ABHD5: variants seen among roughly 807,000 people sequenced by gnomAD.
ABHD5 encodes abhydrolase domain containing 5, lysophosphatidic acid acyltransferase.
ABHD5 carries 30 observed loss-of-function variants against 44.9 expected under a neutral mutation model. That is an observed-to-expected ratio of 0.67 (90% CI 0.50 to 0.91). The LOEUF is 0.91. Ranked by LOEUF, ABHD5 falls within the 40% of genes least tolerant of loss-of-function variation. The probability of loss-of-function intolerance (pLI) is 0.00; values close to 1 mark genes in which losing one functional copy is unlikely to be tolerated. For missense variants in ABHD5, 399 were observed against 423.4 expected (o/e 0.94, Z 0.50); for synonymous variants, 167 against 147.0 (o/e 1.14, Z -0.99).
At chr3:43,727,839 C>T (rs935374916) in intron 7 of ABHD5, among the ~76,000 whole-genome samples, 1 of 152,124 alleles carries the variant, frequency 6.6e-6, no homozygotes, top group South Asian at 2.1e-4. Flanking sequence ...GAACTCCTGA[C>T]CTCAGGTAAT....
downstream of ABHD5, among the ~76,000 whole-genome samples, chr3:43,725,867 TG>T (rs1261510621): frequency 3.3e-5 from 5 of 151,890 alleles, no homozygotes; most frequent in Non-Finnish European, 7.4e-5. Flanking sequence ...TTTGTTTTTT[TG>T]TTTTTTTGGT....
intron 3 of ABHD5, among the ~76,000 whole-genome samples, chr3:43,705,889 T>A (rs1185992259): frequency 6.6e-6 from 1 of 152,188 alleles, no homozygotes; most frequent in African/African-American, 2.4e-5. Flanking sequence ...TTAAAAAGAA[T>A]TTTTTTCTGC....
chr3:43,696,517 A>C lies in ABHD5; in HGVS notation c.48-2759A>C, dbSNP rs116728172. Among the ~76,000 whole-genome samples, 1,300 of 152,288 alleles carry C rather than the reference A, an allele frequency of 8.5e-3. 11 individuals carry two copies. Among genetic ancestry groups the C allele is most frequent in the African/African-American group, 0.028 (1,177 of 41,570 alleles). ...GGGAGGGGGCAAAGGGTCTCTTTGA[A>C]GGTGAGATTAATTTATCCCGAAGAC... On this transcript the variant is annotated intron_variant, in intron 1 of 6. Coordinates refer to ENST00000644371, the MANE Select transcript of ABHD5 (RefSeq NM_016006.6).
intron 5 of ABHD5, 24 bp downstream of exon 5, chr3:43,715,082 A>ATT (rs1553616751): frequency 9.0e-7 from 1 of 1,115,044 alleles, no homozygotes; most frequent in Non-Finnish European, 1.3e-6. Flanking sequence ...TTCTCAATTC[A>ATT]CTCTGTGTGT....
rs577884445 is a variant in ABHD5 at position 43,728,234 on chromosome 3, A to G, written c.*30-5646A>G. ...CTGAAAATTTTTACTATGCCAACAA[A>G]AGCAACATGGCAAAATTCTTGAAAA... On this transcript the variant is annotated intron_variant, in intron 7 of 7. Transcript: ENST00000454293. Among the ~76,000 whole-genome samples the G allele has an allele frequency of 3.3e-5, 5 of 152,326 alleles. No individual in the cohort carries two copies. The South Asian group carries it at 6.2e-4, about 19-fold the overall frequency.
intron 7 of ABHD5, among the ~76,000 whole-genome samples, chr3:43,732,167 A>C (rs1697246166): frequency 1.3e-5 from 2 of 152,176 alleles, no homozygotes; most frequent in African/African-American, 4.8e-5. Context: ...ACGGTGGCTC[A>C]TGCTTGTAAT....
At chr3:43,709,903 C>T (rs1179962568) in intron 3 of ABHD5, among the ~76,000 whole-genome samples, 2 of 152,048 alleles carry the variant, frequency 1.3e-5, no homozygotes, top group Middle Eastern at 3.2e-3. Flanking sequence ...ATTAGCCAGG[C>T]GTGGTAGTGT....
At chr3:43,733,320 A>G (rs183239239) in intron 7 of ABHD5, among the ~76,000 whole-genome samples, 14 of 152,334 alleles carry the variant, frequency 9.2e-5, no homozygotes, top group Admixed American at 2.0e-4. Flanking sequence ...CAGTCTCCCT[A>G]TGGTTGACAA....
rs916762006 is a variant in ABHD5, at chr3:43,720,738, G to A, written c.*2206G>A. The A allele has an allele frequency of 5.3e-5, 8 of 152,144 alleles. No individual in the cohort carries two copies. In the South Asian group the frequency reaches 6.2e-4, roughly 12 times the overall value. The allele number at this position is 152,144 out of a possible 1,614,324, so 9.4% of individuals were successfully genotyped here. A position where few individuals can be genotyped will look rare whatever the true frequency, so the allele number is the denominator to read the frequency against. ...TTTCTTGAGTCTTTTGTATGGACCA[G>A]TCTCTGTATAATAGTTAACTACAGG... On this transcript the variant is annotated 3_prime_UTR_variant, in exon 7 of 7. Transcript: ENST00000644371.
intron 7 of ABHD5, among the ~76,000 whole-genome samples, chr3:43,728,499 T>C (rs1007214747): frequency 5.9e-5 from 9 of 152,176 alleles, no homozygotes; most frequent in Non-Finnish European, 1.0e-4. Flanking sequence ...GTTCCTGATA[T>C]GCTTCCTCCA....
Position 43,702,648 on chromosome 3 carries a change from T to A in ABHD5, c.506+61T>A, listed in dbSNP as rs964294103. ...GTGCTTCCAAGTACCAGACTCTAGTTCCCATCTTTGGTGGTTGTTAGTGTC... is the reference window on the plus strand; with the variant it reads ...GTGCTTCCAAGTACCAGACTCTAGTACCCATCTTTGGTGGTTGTTAGTGTC... On this transcript the variant is annotated intron_variant, in intron 3 of 6. Coordinates refer to ENST00000644371, the MANE Select transcript of ABHD5 (RefSeq NM_016006.6). The A allele has an allele frequency of 7.4e-6, 12 of 1,612,790 alleles. No homozygotes were observed. In the Admixed American group the frequency reaches 1.5e-4, roughly 20 times the overall value.
chr3:43,704,464 TC>T (rs1362023802), intron 3 of ABHD5, among the ~76,000 whole-genome samples: 5 of 152,220 alleles, frequency 3.3e-5, no homozygotes, highest in Admixed American at 3.3e-4. Context: ...GAGTTGAACT[TC>T]CTTTGTTTTT....
At chr3:43,715,961 T>C (rs966257074) in intron 5 of ABHD5, among the ~76,000 whole-genome samples, 2 of 152,158 alleles carry the variant, frequency 1.3e-5, no homozygotes, top group Non-Finnish European at 2.9e-5. Context: ...GAAATGCAGC[T>C]GCAGAGGGTG....
chr3:43,730,812 ATTTGTTTGTTTT>A (rs2084907958), intron 7 of ABHD5, among the ~76,000 whole-genome samples: 1 of 146,610 alleles, frequency 6.8e-6, no homozygotes. Flanking sequence ...GGCCTAATCC[ATTTGTTTGTTTT>A]TTTGTTTGTT....
Position 43,703,148 on chromosome 3 carries a change from T to C in ABHD5, c.506+561T>C, listed in dbSNP as rs2084566538. ...AACATTGAATTAATGAACATTTGCT[T>C]CAAAGTCTTTCTAGCATCATCTCCT... On this transcript the variant is annotated intron_variant, in intron 3 of 6. Coordinates refer to ENST00000644371, the MANE Select transcript of ABHD5 (RefSeq NM_016006.6). Among the ~76,000 whole-genome samples the C allele has an allele frequency of 2.6e-5, 4 of 151,572 alleles. 1 individual carries two copies. The South Asian group carries it at 8.3e-4, about 32-fold the overall frequency.
chr3:43,709,293 C>A (rs2084658920), intron 3 of ABHD5, among the ~76,000 whole-genome samples: 1 of 152,134 alleles, frequency 6.6e-6, no homozygotes. Flanking sequence ...CGGTTCACTC[C>A]TTTTCAAAAA....
chr3:43,700,740 A>ATTTTTTTTTTTTTTTTTT (rs1361660825), intron 2 of ABHD5, among the ~76,000 whole-genome samples: 30 of 151,206 alleles, frequency 2.0e-4, no homozygotes, highest in South Asian at 1.5e-3. Context: ...TACCCAGCTA[A>ATTTTTTTTTTTTTTTTTT]TTTTTGTATT....
intron 3 of ABHD5, among the ~76,000 whole-genome samples, chr3:43,704,072 C>T (rs560473557): frequency 4.5e-5 from 6 of 132,740 alleles, no homozygotes; most frequent in East Asian, 4.5e-4. Context: ...GAGTCTCACT[C>T]GGTCGCCCAG....
intron 5 of ABHD5, 100 bp from the exon 6 acceptor site, chr3:43,717,571 C>A: frequency 7.9e-7 from 1 of 1,272,528 alleles, no homozygotes; most frequent in Non-Finnish European, 1.1e-6. Context: ...TTCTTAGGTG[C>A]TGGAAAAGCT....
Sources: gnomAD v4.1 joint callset for allele counts (sites outside exome capture counted in the v4.1 genomes callset) on GRCh38, gnomAD v4.1.1 for gene constraint, MANE v1.5 for transcripts, NCBI Gene and HGNC (gene_info 2026-07-23, HGNC 2026-07-21) for gene names.